The following ACTR3 variants were observed in gnomAD, a reference collection of about 807,000 sequenced individuals.
ACTR3 encodes the protein actin related protein 3, also known as actin-related protein 3.
A neutral mutation model predicts 56.8 loss-of-function variants in ACTR3; 12 were observed. That is an observed-to-expected ratio of 0.21 (90% CI 0.14 to 0.34). The LOEUF (loss-of-function observed/expected upper bound fraction) is 0.34, where lower values mean the gene tolerates loss of function less well. Ranked by LOEUF, ACTR3 falls within the 10% of genes least tolerant of loss-of-function variation. ACTR3 has a pLI of 1.00. For synonymous variants in ACTR3, 162 were observed against 167.4 expected (o/e 0.97, Z 0.25); for missense variants, 282 against 512.5 (o/e 0.55, Z 4.34).
chr2:113,916,010 TAGTG>T lies in ACTR3; in HGVS notation c.101-871_101-868del, dbSNP rs1484143641. Among the ~76,000 whole-genome samples the T allele has an allele frequency of 2.0e-5, 3 of 152,346 alleles. No homozygotes were observed. In the South Asian group the frequency reaches 6.2e-4, roughly 32 times the overall value. On this transcript the variant is annotated intron_variant, in intron 2 of 11. Transcript: ENST00000263238. ...TGCATATTTATTTTTAGGAAATTTA[TAGTG>T]AGCCACCTGGATGTCTATGTACACT... is the stretch of plus-strand genomic sequence containing the variant.
intron 1 of ACTR3, among the ~76,000 whole-genome samples, chr2:113,908,434 T>G (rs10188927): frequency 0.026 from 4,018 of 151,848 alleles, 143 homozygotes; most frequent in African/African-American, 0.076. Flanking sequence ...TAGTTTACAT[T>G]TGAAAAGCTT....
At chr2:113,891,838 C>G (rs1678907895) in intron 1 of ACTR3, among the ~76,000 whole-genome samples, 2 of 152,170 alleles carry the variant, frequency 1.3e-5, no homozygotes, top group South Asian at 4.1e-4. Flanking sequence ...TTGATGAACA[C>G]TTTATTTAAA....
chr2:113,902,907 G>A (rs1216718754), intron 1 of ACTR3, among the ~76,000 whole-genome samples: 3 of 152,138 alleles, frequency 2.0e-5, no homozygotes, highest in Non-Finnish European at 4.4e-5. Context: ...CCACAACATG[G>A]TGTTTTGATA....
chr2:113,890,561 C>T (rs1346451565), intron 1 of ACTR3: 17 of 1,368,784 alleles, frequency 1.2e-5, no homozygotes, highest in East Asian at 9.1e-5. Context: ...ACCCTCCCAG[C>T]GGCTTTCTCC....
At position 113,951,509 on chromosome 2, in the gene ACTR3, T is replaced by C. The variant is rs1212271751; in HGVS notation, c.889T>C (p.Ser297Pro). Residue 297 changes from serine to proline, a missense_variant, in exon 9 of 12, where the codon TCA (serine) becomes CCA (proline). Physicochemically the swap from Ser to Pro is moderately conservative, Grantham distance 74. Coordinates refer to ENST00000263238, the MANE Select transcript of ACTR3 (RefSeq NM_005721.5). ...FANPDFTQPISEVVDEVIQNC... is the reference protein window; with the variant it reads ...FANPDFTQPIPEVVDEVIQNC... Reference sequence around the variant, plus strand: ...TAATCCAGACTTTACACAACCTATCTCAGAAGTTGTAGATGAAGTAATTCA... The same window carrying C: ...TAATCCAGACTTTACACAACCTATCCCAGAAGTTGTAGATGAAGTAATTCA... The C allele has an allele frequency of 6.2e-7, 1 of 1,612,664 alleles. No individual in the cohort carries two copies. Among genetic ancestry groups the C allele is most frequent in the Non-Finnish European group, 8.5e-7 (1 of 1,179,004 alleles).
At chr2:113,916,541 C>T (rs1027159580) in intron 2 of ACTR3, among the ~76,000 whole-genome samples, 6 of 151,650 alleles carry the variant, frequency 4.0e-5, no homozygotes, top group South Asian at 2.1e-4. Context: ...TTTTTCTTTC[C>T]AGTTGTTCAT....
intron 3 of ACTR3, among the ~76,000 whole-genome samples, chr2:113,918,632 C>A (rs773990081): frequency 2.6e-5 from 4 of 152,042 alleles, no homozygotes; most frequent in Non-Finnish European, 5.9e-5. Context: ...GCAATTTGTC[C>A]CCTTGGCCTG....
chr2:113,952,938 G>A (rs918988953), intron 10 of ACTR3: 7 of 152,020 alleles, frequency 4.6e-5, no homozygotes, highest in South Asian at 2.1e-4. Flanking sequence ...TAAAAAAGAA[G>A]TCATTGGGTT....
At chr2:113,943,404 G>A (rs933023521) in intron 8 of ACTR3, among the ~76,000 whole-genome samples, 1 of 152,182 alleles carries the variant, frequency 6.6e-6, no homozygotes, top group Non-Finnish European at 1.5e-5. Flanking sequence ...GTCTTGAAGG[G>A]CAGATATGTT....
chr2:113,920,475 A>C (rs940427843), intron 3 of ACTR3, among the ~76,000 whole-genome samples: 11 of 152,234 alleles, frequency 7.2e-5, no homozygotes, highest in African/African-American at 2.7e-4. Flanking sequence ...ATTCACCTCA[A>C]ACACTTATTT....
chr2:113,924,393 G>C (rs1005275680), intron 3 of ACTR3, among the ~76,000 whole-genome samples: 1 of 151,814 alleles, frequency 6.6e-6, no homozygotes, highest in Non-Finnish European at 1.5e-5. Context: ...TATTCTTATT[G>C]ACTGAGAAAT....
chr2:113,947,877 A>G (rs2104625250), intron 8 of ACTR3, among the ~76,000 whole-genome samples: 1 of 152,024 alleles, frequency 6.6e-6, no homozygotes, highest in African/African-American at 2.4e-5. Flanking sequence ...CTTATAAGTA[A>G]TTTCTTCTAT....
intron 6 of ACTR3, among the ~76,000 whole-genome samples, chr2:113,938,453 A>C (rs912786949): frequency 1.3e-5 from 2 of 152,192 alleles, no homozygotes; most frequent in African/African-American, 4.8e-5. Flanking sequence ...TAGTTAAGAT[A>C]CCAGGAACTA....
intron 6 of ACTR3, among the ~76,000 whole-genome samples, chr2:113,938,207 A>G (rs532322310): frequency 6.6e-6 from 1 of 151,702 alleles, no homozygotes. Context: ...GTCTTTTTAT[A>G]TCTTCCATTT....
At chr2:113,911,370 C>T (rs1225606001) in intron 1 of ACTR3, among the ~76,000 whole-genome samples, 2 of 146,248 alleles carry the variant, frequency 1.4e-5, no homozygotes, top group African/African-American at 5.1e-5. Flanking sequence ...CTTTTTTCAA[C>T]AGTTTATGGT....
chr2:113,907,648 G>C (rs925332705), intron 1 of ACTR3, among the ~76,000 whole-genome samples: 1 of 152,128 alleles, frequency 6.6e-6, no homozygotes, highest in South Asian at 2.1e-4. Flanking sequence ...TAAATTCAAA[G>C]CAAAAATTTA....
At chr2:113,907,934 A>G (rs1352214117) in intron 1 of ACTR3, among the ~76,000 whole-genome samples, 22 of 137,306 alleles carry the variant, frequency 1.6e-4, no homozygotes, top group Non-Finnish European at 1.5e-5. Context: ...AGATCTCGCC[A>G]TTGCACTCCA....
chr2:113,933,626 A>G (rs1055562650), intron 5 of ACTR3, among the ~76,000 whole-genome samples: 1 of 151,750 alleles, frequency 6.6e-6, no homozygotes, highest in African/African-American at 2.4e-5. Flanking sequence ...AGTTTGTAAC[A>G]GGCCAGCCCA....
In ACTR3 at chr2:113,960,479, A is replaced by T. The variant is rs949267301; in HGVS notation, c.*3024A>T. On this transcript the variant is annotated 3_prime_UTR_variant, in exon 12 of 12. Transcript: ENST00000263238. ...ATTATGATCTTTATTTTTAATTTCT[A>T]CAGAAAAGTACTAGAGAATATATCT... 1 of 152,042 alleles carries T rather than the reference A, an allele frequency of 6.6e-6. No homozygotes were observed. Among genetic ancestry groups the T allele is most frequent in the African/African-American group, 2.4e-5 (1 of 41,440 alleles). The allele number at this position is 152,042 out of a possible 1,614,324, so 9.4% of individuals were successfully genotyped here.
Sources: gnomAD v4.1 joint callset for allele counts (sites outside exome capture counted in the v4.1 genomes callset) on GRCh38, gnomAD v4.1.1 for gene constraint, MANE v1.5 for transcripts, NCBI Gene and HGNC (gene_info 2026-07-23, HGNC 2026-07-21) for gene names.